The following B4GALNT2 variants were observed in gnomAD, a reference collection of about 807,000 sequenced individuals.
B4GALNT2 encodes beta-1,4-N-acetyl-galactosaminyltransferase 2 (SID blood group).
Under a neutral mutation model 51.1 loss-of-function variants are expected in B4GALNT2, and 42 were observed. That is an observed-to-expected ratio of 0.82 (90% confidence interval 0.64 to 1.06). The LOEUF is 1.06. Among genes scored for constraint, B4GALNT2 ranks in the 50% least tolerant of loss-of-function variants. B4GALNT2 has a pLI of 0.00. For missense variants in B4GALNT2, 602 were observed against 633.6 expected, an observed-to-expected ratio of 0.95 and a Z score of 0.54; for synonymous variants, 253 against 251.7, an observed-to-expected ratio of 1.01 and a Z score of -0.05.
intron 6 of B4GALNT2, among the ~76,000 whole-genome samples, chr17:49,160,334 G>A (rs1567864488): frequency 6.6e-6 from 1 of 152,132 alleles, no homozygotes; most frequent in African/African-American, 2.4e-5. Flanking sequence ...CATTCTCACA[G>A]GGGAAGAAAT....
At chr17:49,122,567 A>C in the B4GALNT2 span, among the ~76,000 whole-genome samples, 1 of 152,212 alleles carries the variant, frequency 6.6e-6, no homozygotes, top group South Asian at 2.1e-4. Context: ...GACCCATGCT[A>C]TGATTTTGTT....
chr17:49,152,163 G>A (rs566269735), intron 3 of B4GALNT2, among the ~76,000 whole-genome samples: 5 of 152,214 alleles, frequency 3.3e-5, no homozygotes, highest in Admixed American at 2.0e-4. Context: ...GATTGCTTGA[G>A]CCCAGCGGTT....
chr17:49,143,046 C>G (rs531883988), intron 3 of B4GALNT2, among the ~76,000 whole-genome samples: 4 of 152,008 alleles, frequency 2.6e-5, no homozygotes, highest in Non-Finnish European at 5.9e-5. Flanking sequence ...GTCAGGAGTT[C>G]GAGACCAGCC....
At chr17:49,150,295 T>TG (rs1213822342) in intron 3 of B4GALNT2, among the ~76,000 whole-genome samples, 7 of 17,076 alleles carry the variant, frequency 4.1e-4, no homozygotes, top group African/African-American at 5.3e-4. Flanking sequence ...GGGAGGGAGG[T>TG]GGGGGGGGTC....
intron 3 of B4GALNT2, among the ~76,000 whole-genome samples, chr17:49,144,596 G>T (rs1340355593): frequency 6.6e-6 from 1 of 152,076 alleles, no homozygotes; most frequent in Non-Finnish European, 1.5e-5. Flanking sequence ...GTAAAATGAG[G>T]ATGCTAATAA....
chr17:49,167,816 G>C (rs1484131725), intron 9 of B4GALNT2, among the ~76,000 whole-genome samples: 1 of 152,018 alleles, frequency 6.6e-6, no homozygotes, highest in Non-Finnish European at 1.5e-5. Flanking sequence ...CACCATATTG[G>C]CCAGGCTGCT....
At chr17:49,137,061 C>T (rs1236119816) in intron 1 of B4GALNT2, among the ~76,000 whole-genome samples, 5 of 150,306 alleles carry the variant, frequency 3.3e-5, no homozygotes, top group African/African-American at 1.2e-4. Flanking sequence ...TACCAGAAAC[C>T]CACTTTTTTT....
rs1164089453 is a variant in B4GALNT2, at chr17:49,169,754, T to A, written c.*26T>A. On this transcript the variant is annotated 3_prime_UTR_variant, in exon 11 of 11. Transcript: ENST00000393354. ...AGGTGTGAGGGCATAGGAGAAACAC[T>A]AGGCTGGCTGGTTATGGTATCTATA... 4 of 1,521,522 alleles carry A rather than the reference T, an allele frequency of 2.6e-6. No homozygotes were observed. In the South Asian group the frequency reaches 3.9e-5, roughly 15 times the overall value. 94.3% of individuals were successfully genotyped at this position (1,521,522 alleles called of 1,614,324 possible). A position where few individuals can be genotyped will look rare whatever the true frequency, so the allele number is the denominator to read the frequency against.
chr17:49,125,765 C>T, the B4GALNT2 span, among the ~76,000 whole-genome samples: 12 of 135,764 alleles, frequency 8.8e-5, 1 homozygote, highest in Non-Finnish European at 8.1e-5. Context: ...GTCAGCCCCC[C>T]GCCCGTCCGG....
chr17:49,164,299 G>T (rs1186850344), intron 8 of B4GALNT2, 24 bp downstream of exon 8: 5 of 1,591,920 alleles, frequency 3.1e-6, no homozygotes, highest in Non-Finnish European at 4.3e-6. Context: ...AGATTGGGTG[G>T]CACCTGCATT....
chr17:49,126,497 A>T, the B4GALNT2 span, among the ~76,000 whole-genome samples: 30 of 36,844 alleles, frequency 8.1e-4, no homozygotes, highest in South Asian at 0.015. Context: ...AATGATCAAT[A>T]AAAAAAAAAA....
rs537263472 is a variant in B4GALNT2, at chr17:49,146,848, C to G, written c.353+4676C>G. On this transcript the variant is annotated intron_variant, in intron 3 of 10. Transcript: ENST00000393354. ...ACTGGTACTTCTAAGATTGGGCTCT[C>G]TCTCCTTCCTTAGATTAGGGATTCC... Among the ~76,000 whole-genome samples the G allele has an allele frequency of 7.2e-5, 11 of 152,326 alleles. No individual in the cohort carries two copies. The South Asian group carries it at 2.3e-3, about 32-fold the overall frequency.
chr17:49,154,501 A>C (rs2042789242), intron 4 of B4GALNT2, among the ~76,000 whole-genome samples: 2 of 151,254 alleles, frequency 1.3e-5, no homozygotes, highest in Admixed American at 1.3e-4. Context: ...TGTCCAGTGA[A>C]GTCTTCTTCT....
chr17:49,147,916 T>C (rs2042711667), intron 3 of B4GALNT2, among the ~76,000 whole-genome samples: 1 of 151,794 alleles, frequency 6.6e-6, no homozygotes, highest in Non-Finnish European at 1.5e-5. Context: ...TATTTTAGTG[T>C]ACTTGGTACC....
chr17:49,131,462 G>GGA (rs1491382398), upstream of B4GALNT2, among the ~76,000 whole-genome samples: 1 of 100,290 alleles, frequency 1.0e-5, no homozygotes, highest in African/African-American at 3.8e-5. Flanking sequence ...CCCAGACTCC[G>GGA]AAAAAAAAAA....
chr17:49,142,021 C>G lies in B4GALNT2; in HGVS notation c.216-14C>G. ...CCACCCAATCCATGTTTACAGTCCT[C>G]TTGCTTGTTTCAGGCTGTTCCCGAA... On this transcript the variant is annotated splice_polypyrimidine_tract_variant and intron_variant, in intron 2 of 10. Coordinates refer to ENST00000393354, the MANE Select transcript of B4GALNT2 (RefSeq NM_001159387.2). 1 of 1,613,930 alleles carries G rather than the reference C, an allele frequency of 6.2e-7. No homozygotes were observed. The highest frequency in any genetic ancestry group is 8.5e-7 in the Non-Finnish European group (1 of 1,180,014).
At chr17:49,158,136 C>A (rs564034715) in intron 5 of B4GALNT2, among the ~76,000 whole-genome samples, 6 of 152,244 alleles carry the variant, frequency 3.9e-5, no homozygotes, top group African/African-American at 9.6e-5. Flanking sequence ...GCAAGGAGGA[C>A]TTCCCTTGGG....
chr17:49,167,753 G>A (rs1335334139), intron 9 of B4GALNT2, among the ~76,000 whole-genome samples: 1 of 152,010 alleles, frequency 6.6e-6, no homozygotes, highest in African/African-American at 2.4e-5. Context: ...GGGACCATAG[G>A]CACATGCCAC....
At chr17:49,152,677 G>A (rs1333549297) in intron 3 of B4GALNT2, 123 bp from the exon 4 acceptor site, 2 of 665,562 alleles carry the variant, frequency 3.0e-6, no homozygotes, top group Non-Finnish European at 4.9e-6. Flanking sequence ...GGGAGACAGG[G>A]ACAACCCAAT....
Sources: gnomAD v4.1 joint callset for allele counts (sites outside exome capture counted in the v4.1 genomes callset) on GRCh38, gnomAD v4.1.1 for gene constraint, MANE v1.5 for transcripts, NCBI Gene and HGNC (gene_info 2026-07-23, HGNC 2026-07-21) for gene names.